GPLD1: variants seen among roughly 807,000 people sequenced by gnomAD.
GPLD1 encodes the protein phosphatidylinositol-glycan-specific phospholipase D.
Under a neutral mutation model 112.6 loss-of-function variants are expected in GPLD1, and 84 were observed. The ratio of observed to expected loss-of-function variants is 0.75; its 90% CI spans 0.63 to 0.89. The LOEUF is 0.89. GPLD1 is among the 40% of genes least tolerant of loss of function. GPLD1 has a pLI of 0.00. For synonymous variants in GPLD1, 386 were observed against 403.8 expected, an observed-to-expected ratio of 0.96 and a Z score of 0.53; for missense variants, 1,044 against 1,051.5, an observed-to-expected ratio of 0.99 and a Z score of 0.10.
chr6:24,458,332 C>T (rs1251277043), intron 12 of GPLD1, among the ~76,000 whole-genome samples: 1 of 152,096 alleles, frequency 6.6e-6, no homozygotes, highest in Non-Finnish European at 1.5e-5. Context: ...ATTGCTTCAT[C>T]CTAAAGCCTA....
Position 24,495,176 on chromosome 6 carries a change from C to T in GPLD1, n.30G>A, listed in dbSNP as rs1306264998. The stretch of plus-strand genomic sequence containing the variant: ...CGGGCCTCTCTGCGGCGCTGCTGCG[C>T]ACCGACAGCTTCGTGGGCGGCCGCT... On this transcript the variant is annotated non_coding_transcript_exon_variant, in exon 1 of 11. Coordinates refer to the GPLD1 transcript ENST00000474784. 1.3e-6 allele frequency: 2 copies of T among 1,498,820 alleles called. No homozygotes were observed. 92.8% of individuals were successfully genotyped at this position (1,498,820 alleles called of 1,614,324 possible). A position where few individuals can be genotyped will look rare whatever the true frequency, so the allele number is the denominator to read the frequency against.
intron 13 of GPLD1, 63 bp from the exon 14 acceptor site, chr6:24,454,264 G>T: frequency 1.7e-6 from 2 of 1,202,022 alleles, no homozygotes; most frequent in Non-Finnish European, 1.1e-6. Flanking sequence ...GCTGTCGCCT[G>T]CTTCTTTCCT....
chr6:24,470,563 C>G (rs944305990), intron 7 of GPLD1, among the ~76,000 whole-genome samples: 1 of 152,052 alleles, frequency 6.6e-6, no homozygotes, highest in Non-Finnish European at 1.5e-5. Flanking sequence ...TTACTTATAA[C>G]TTACAAATCT....
chr6:24,466,964 CTG>C, intron 8 of GPLD1, 25 bp from the exon 9 acceptor site: 2 of 1,598,552 alleles, frequency 1.3e-6, no homozygotes, highest in Non-Finnish European at 1.7e-6. Flanking sequence ...ATAATTTTGG[CTG>C]TGAGTTGCAG....
intron 24 of GPLD1, among the ~76,000 whole-genome samples, chr6:24,430,365 G>A (rs1365025210): frequency 6.6e-5 from 10 of 152,146 alleles, no homozygotes; most frequent in African/African-American, 1.9e-4. Context: ...GTCTGACCTC[G>A]TTTGGCTCTT....
chr6:24,437,361 C>T (rs2127319319), intron 20 of GPLD1, 72 bp from the exon 21 acceptor site: 4 of 1,361,668 alleles, frequency 2.9e-6, no homozygotes, highest in Non-Finnish European at 4.1e-6. Flanking sequence ...AGCACCCCAT[C>T]CTCAAGTGAC....
intron 2 of GPLD1, among the ~76,000 whole-genome samples, chr6:24,483,581 G>C (rs2127369764): frequency 6.6e-6 from 1 of 152,046 alleles, no homozygotes; most frequent in East Asian, 2.0e-4. Context: ...AGGAGGCTGA[G>C]GCAGGAGAAT....
At chr6:24,437,354 AC>A (rs1762612448) in intron 20 of GPLD1, 65 bp from the exon 21 acceptor site, 26 of 1,436,326 alleles carry the variant, frequency 1.8e-5, no homozygotes, top group Non-Finnish European at 2.5e-5. Flanking sequence ...ACGGAATAGC[AC>A]CCCATCCTCA....
chr6:24,476,853 A>T (rs965624116), intron 3 of GPLD1, among the ~76,000 whole-genome samples: 1 of 152,150 alleles, frequency 6.6e-6, no homozygotes, highest in African/African-American at 2.4e-5. Context: ...GGGGTAGGAA[A>T]GACAGAACTG....
chr6:24,454,084 A>T lies in GPLD1; in HGVS notation c.1266T>A (p.Asn422Lys). Residue 422 changes from asparagine (N) to lysine (K), a missense_variant, in exon 14 of 25, where the codon AAT becomes AAA. Coordinates refer to ENST00000230036, the MANE Select transcript of GPLD1 (RefSeq NM_001503.4). ...HIGRVYLIYG[N>K]DLGLPPVDLD... ...GGTCAACAGGTGGCAGGCCCAGGTC[A>T]TTGCCGTAGATGAGGTACACGCGCC... 6.2e-7 allele frequency: 1 copy of T among 1,613,882 alleles called. No homozygotes were observed. The highest frequency in any genetic ancestry group is 8.5e-7 in the Non-Finnish European group (1 of 1,179,840).
At chr6:24,463,486 A>G (rs1044531658) in intron 10 of GPLD1, among the ~76,000 whole-genome samples, 4 of 152,214 alleles carry the variant, frequency 2.6e-5, no homozygotes, top group African/African-American at 4.8e-5. Context: ...AGGAGGTGGG[A>G]AAAAGCTGAA....
rs1396505112 is a variant in GPLD1 at position 24,426,583 on chromosome 6, G to T, written c.*2449C>A. Among the ~76,000 whole-genome samples, 3 of 152,152 alleles carry T rather than the reference G, an allele frequency of 2.0e-5. No individual in the cohort carries two copies. The highest frequency in any genetic ancestry group is 7.2e-5 in the African/African-American group (3 of 41,440). ...AAATCGTGAGGTAAATAATGGTCAT[G>T]TTTAAACAGAGGCCTTATCATTTAG... On this transcript the variant is annotated 3_prime_UTR_variant, in exon 25 of 25. Transcript: ENST00000230036.
intron 20 of GPLD1, among the ~76,000 whole-genome samples, chr6:24,442,506 A>G (rs2487516): frequency 0.96 from 121,329 of 126,648 alleles, 58,278 homozygotes; most frequent in Non-Finnish European, 0.99. Flanking sequence ...GTGCAGTGGC[A>G]CAATCTCAGC....
In GPLD1 at chr6:24,476,583, C is replaced by A. The variant is rs140141468; in HGVS notation, c.233-305G>T. ...TTAGAATAGAGGCTAGAATTGTTTC[C>A]ATTTCTGTGCCCTAAAACTAAGGAA... On this transcript the variant is annotated intron_variant, in intron 3 of 24. Transcript: ENST00000230036. Among the ~76,000 whole-genome samples the A allele has an allele frequency of 1.4e-4, 22 of 152,302 alleles. No individual in the cohort carries two copies. In the East Asian group the frequency reaches 4.0e-3, roughly 28 times the overall value.
intron 7 of GPLD1, among the ~76,000 whole-genome samples, chr6:24,468,555 ATT>A (rs141748600): frequency 2.0e-4 from 29 of 142,652 alleles, no homozygotes; most frequent in African/African-American, 7.4e-4. Flanking sequence ...TTATTTTTTT[ATT>A]TTTATTTTTT....
intron 12 of GPLD1, among the ~76,000 whole-genome samples, chr6:24,459,167 T>C (rs1763355124): frequency 1.3e-5 from 2 of 152,144 alleles, no homozygotes; most frequent in Admixed American, 1.3e-4. Context: ...CTATCTACTG[T>C]CCAAGACCTA....
At chr6:24,484,765 C>T (rs1011324173) in intron 2 of GPLD1, among the ~76,000 whole-genome samples, 7 of 152,142 alleles carry the variant, frequency 4.6e-5, no homozygotes, top group Admixed American at 3.9e-4. Context: ...GATATAAATG[C>T]TGTTTTTCCT....
At chr6:24,454,257 G>C (rs1763195086) in intron 13 of GPLD1, 56 bp from the exon 14 acceptor site, 4 of 1,274,920 alleles carry the variant, frequency 3.1e-6, no homozygotes, top group Non-Finnish European at 4.3e-6. Context: ...GGTTAAAGCT[G>C]TCGCCTGCTT....
chr6:24,473,354 A>G (rs373475722), intron 6 of GPLD1: 2 of 280,058 alleles, frequency 7.1e-6, no homozygotes, highest in South Asian at 1.4e-4. Context: ...AACCCAATGT[A>G]TAAGTAAAGT....
Sources: gnomAD v4.1 joint callset for allele counts (sites outside exome capture counted in the v4.1 genomes callset) on GRCh38, gnomAD v4.1.1 for gene constraint, MANE v1.5 for transcripts, NCBI Gene and HGNC (gene_info 2026-07-23, HGNC 2026-07-21) for gene names.